The following HOMER1 variants were observed in gnomAD, a reference collection of about 807,000 sequenced individuals.
HOMER1 encodes the protein homer protein homolog 1.
Under a neutral mutation model 48.9 loss-of-function variants are expected in HOMER1, and 3 were observed. That is an observed-to-expected ratio of 0.06 (90% CI 0.03 to 0.16). The LOEUF (loss-of-function observed/expected upper bound fraction) is 0.16. Among genes scored for constraint, HOMER1 ranks in the 10% least tolerant of loss-of-function variants. HOMER1 has a pLI of 1.00. For missense variants in HOMER1, 247 were observed against 411.4 expected (o/e 0.60, Z 3.46); for synonymous variants, 134 against 146.4 (o/e 0.92, Z 0.61).
chr5:79,410,376 A>T (rs1749784795), intron 5 of HOMER1, among the ~76,000 whole-genome samples: 1 of 151,930 alleles, frequency 6.6e-6, no homozygotes, highest in South Asian at 2.1e-4. Context: ...CTGTAATCCC[A>T]GCTACTAGGG....
At chr5:79,478,048 T>C (rs533718187) in intron 1 of HOMER1, among the ~76,000 whole-genome samples, 1 of 152,304 alleles carries the variant, frequency 6.6e-6, no homozygotes, top group African/African-American at 2.4e-5. Context: ...ATAATTAGTC[T>C]TGGGAAGCAG....
At chr5:79,458,831 A>C (rs1751240469) in intron 1 of HOMER1, among the ~76,000 whole-genome samples, 1 of 152,204 alleles carries the variant, frequency 6.6e-6, no homozygotes, top group Admixed American at 6.5e-5. Flanking sequence ...TGAACTCTGA[A>C]TTGGGAATAC....
At chr5:79,402,684 G>GAAA (rs1240784000) in intron 5 of HOMER1, among the ~76,000 whole-genome samples, 1 of 152,044 alleles carries the variant, frequency 6.6e-6, no homozygotes, top group African/African-American at 2.4e-5. Flanking sequence ...ATTATAGCCT[G>GAAA]AAAAACATCT....
intron 5 of HOMER1, among the ~76,000 whole-genome samples, chr5:79,434,541 G>T (rs982704648): frequency 6.6e-6 from 1 of 151,976 alleles, no homozygotes; most frequent in Non-Finnish European, 1.5e-5. Flanking sequence ...AATCTCAAAA[G>T]ATATTATCAT....
chr5:79,443,357 T>C (rs1211727138), intron 4 of HOMER1, among the ~76,000 whole-genome samples: 1 of 152,196 alleles, frequency 6.6e-6, no homozygotes, highest in Non-Finnish European at 1.5e-5. Context: ...CAGCATCTCC[T>C]AGAAAACTTG....
At position 79,410,323 on chromosome 5, in the gene HOMER1, C is replaced by G. The variant is rs1170579448; in HGVS notation, c.528-8268G>C. On this transcript the variant is annotated intron_variant, in intron 5 of 8. Transcript: ENST00000334082. ...CCTGACCAACATGGAGAAACCACGT[C>G]TCTACTAAAAATAGAAAATTAGCTA... is the stretch of plus-strand genomic sequence containing the variant. Among the ~76,000 whole-genome samples, 3 of 151,980 alleles carry G rather than the reference C, an allele frequency of 2.0e-5. No homozygotes were observed. The East Asian group carries it at 5.9e-4, about 30-fold the overall frequency.
chr5:79,506,003 C>T (rs2112381462), intron 1 of HOMER1, among the ~76,000 whole-genome samples: 1 of 151,930 alleles, frequency 6.6e-6, no homozygotes, highest in East Asian at 1.9e-4. Context: ...AAAAGATGAC[C>T]CTATAAAATT....
rs376292792 is a variant in HOMER1, at chr5:79,439,138, G to A, written c.399C>T (p.Gly133=). The A allele has an allele frequency of 1.5e-5, 24 of 1,613,534 alleles. No homozygotes were observed. In the African/African-American group the frequency reaches 2.3e-4, roughly 15 times the overall value. The part of the protein sequence containing the change: ...LTSTPSQESA[G]GDLQSPLTPE... ...GTGTTAAAGGAGACTGAAGATCCCC[G>A]CCTGCGGATTCCTTTAAAAAAAGGG... Residue 133 remains glycine, a synonymous_variant, in exon 5 of 9, where the codon GGC becomes GGT. Coordinates refer to ENST00000334082, the MANE Select transcript of HOMER1 (RefSeq NM_004272.5).
chr5:79,415,320 A>G (rs1749914682), intron 5 of HOMER1, among the ~76,000 whole-genome samples: 1 of 151,656 alleles, frequency 6.6e-6, no homozygotes, highest in Non-Finnish European at 1.5e-5. Flanking sequence ...TCAGCCTCCC[A>G]AAGGGTTGGC....
intron 2 of HOMER1, among the ~76,000 whole-genome samples, chr5:79,456,371 C>T (rs957429541): frequency 1.3e-5 from 2 of 152,172 alleles, no homozygotes; most frequent in African/African-American, 2.4e-5. Context: ...TCCTGTTACA[C>T]TAATTGCCTC....
At chr5:79,425,892 G>T (rs1028342637) in intron 5 of HOMER1, among the ~76,000 whole-genome samples, 5 of 151,916 alleles carry the variant, frequency 3.3e-5, no homozygotes, top group Non-Finnish European at 7.4e-5. Flanking sequence ...AAGCAAGTAA[G>T]CCATAAGACC....
chr5:79,422,152 G>A (rs572014305), intron 5 of HOMER1, among the ~76,000 whole-genome samples: 9 of 151,882 alleles, frequency 5.9e-5, no homozygotes, highest in South Asian at 2.1e-4. Flanking sequence ...ACTTGAACAC[G>A]GGAGACAGAG....
intron 6 of HOMER1, among the ~76,000 whole-genome samples, chr5:79,398,284 G>T (rs1397663118): frequency 1.3e-5 from 2 of 148,452 alleles, no homozygotes; most frequent in African/African-American, 2.5e-5. Flanking sequence ...ACTAGAATCA[G>T]CAATAGACAG....
intron 8 of HOMER1, among the ~76,000 whole-genome samples, chr5:79,380,286 G>A (rs748734661): frequency 3.9e-5 from 6 of 152,150 alleles, no homozygotes; most frequent in South Asian, 2.1e-4. Flanking sequence ...GAGCACTAGC[G>A]CTGGGTGCCA....
chr5:79,434,336 T>C (rs1750512463), intron 5 of HOMER1, among the ~76,000 whole-genome samples: 1 of 149,892 alleles, frequency 6.7e-6, no homozygotes, highest in Non-Finnish European at 1.5e-5. Context: ...AAAAAATCTA[T>C]TATTATTTAT....
chr5:79,497,259 C>T lies in HOMER1; in HGVS notation c.5+15511G>A, dbSNP rs113140950. Among the ~76,000 whole-genome samples, 25 of 152,194 alleles carry T rather than the reference C, an allele frequency of 1.6e-4. 1 individual carries two copies. Among genetic ancestry groups the T allele is most frequent in the African/African-American group, 5.5e-4 (23 of 41,546 alleles). On this transcript the variant is annotated intron_variant, in intron 1 of 8. Coordinates refer to ENST00000334082, the MANE Select transcript of HOMER1 (RefSeq NM_004272.5). ...TTCAGAAATATCAAAAAGCAGAACT[C>T]TGACCAAGAAATGGGCATAACTGGT...
At position 79,512,881 on chromosome 5, in the gene HOMER1, C is replaced by T. The variant is rs1752980114; in HGVS notation, c.-107G>A. On this transcript the variant is annotated 5_prime_UTR_variant, in exon 1 of 9. Transcript: ENST00000334082. ...TCGCAGTTGCTTTTCCACCCCCACC[C>T]CCAGATCCTTGTCCGGAGGTATTTC... The T allele has an allele frequency of 3.0e-6, 3 of 989,932 alleles. No individual in the cohort carries two copies. The South Asian group carries it at 4.0e-5, about 13-fold the overall frequency. 61.3% of individuals were successfully genotyped at this position (989,932 alleles called of 1,614,324 possible). A position where few individuals can be genotyped will look rare whatever the true frequency, so the allele number is the denominator to read the frequency against.
At chr5:79,480,147 CAA>C (rs1437129276) in intron 1 of HOMER1, among the ~76,000 whole-genome samples, 2 of 151,606 alleles carry the variant, frequency 1.3e-5, no homozygotes, top group Admixed American at 6.6e-5. Context: ...AGAAATTCAA[CAA>C]GAGAATCAGA....
chr5:79,376,390 T>C (rs1399215214), intron 8 of HOMER1, among the ~76,000 whole-genome samples, 193 bp from the exon 9 acceptor site: 1 of 152,170 alleles, frequency 6.6e-6, no homozygotes, highest in Non-Finnish European at 1.5e-5. Flanking sequence ...TTTTAATGAC[T>C]GGCTTGGTTA....
Sources: allele counts gnomAD v4.1 joint callset (sites outside exome capture counted in the v4.1 genomes callset), GRCh38; gene constraint gnomAD v4.1.1; transcripts MANE v1.5; gene names NCBI Gene and HGNC (gene_info 2026-07-23, HGNC 2026-07-21).